CPA4: variants seen among roughly 807,000 people sequenced by gnomAD.
CPA4 encodes carboxypeptidase A3.
CPA4 carries 49 observed loss-of-function variants against 54.7 expected under a neutral mutation model. The ratio of observed to expected loss-of-function variants is 0.90; its 90% CI spans 0.71 to 1.14. CPA4 has a LOEUF of 1.14. CPA4 is among the 50% of genes most tolerant of loss of function. The probability of loss-of-function intolerance (pLI) is 0.00; values close to 1 mark genes in which losing one functional copy is unlikely to be tolerated. For synonymous variants in CPA4, 215 were observed against 206.8 expected, an observed-to-expected ratio of 1.04 and a Z score of -0.34; for missense variants, 487 against 525.1, an observed-to-expected ratio of 0.93 and a Z score of 0.71.
intron 1 of CPA4, 65 bp downstream of exon 1, chr7:130,293,313 A>G (rs1156307363): frequency 2.2e-6 from 2 of 919,652 alleles, no homozygotes; most frequent in African/African-American, 1.6e-5. Context: ...GGAACTGAAA[A>G]TGAATGGCTG....
intron 4 of CPA4, among the ~76,000 whole-genome samples, chr7:130,301,361 C>T (rs978596088): frequency 6.6e-6 from 1 of 152,190 alleles, no homozygotes; most frequent in African/African-American, 2.4e-5. Flanking sequence ...TTTGTTCCAT[C>T]ATGCATTTTG....
chr7:130,308,207 G>T (rs1051348480), intron 7 of CPA4, 100 bp from the exon 8 acceptor site: 2 of 991,140 alleles, frequency 2.0e-6, no homozygotes, highest in East Asian at 4.8e-5. Context: ...TGGCAGAACT[G>T]CAAGCAGCCT....
At position 130,305,928 on chromosome 7, in the gene CPA4, T is replaced by A. The variant is rs113946505; in HGVS notation, c.591+8T>A. On this transcript the variant is annotated splice_region_variant and intron_variant, in intron 6 of 10. Transcript: ENST00000222482. Reference sequence around the variant, plus strand: ...ATCTGGACGGCAAGGAAGGTCATGCTGCGTGGTATTAGCCAGGAATGCTGA... The same window carrying A: ...ATCTGGACGGCAAGGAAGGTCATGCAGCGTGGTATTAGCCAGGAATGCTGA... The A allele has an allele frequency of 0.023, 37,721 of 1,607,570 alleles. 541 individuals are homozygous for A. The highest frequency in any genetic ancestry group is 0.027 in the Non-Finnish European group (32,125 of 1,174,202).
At chr7:130,295,094 C>A (rs1464329742) in intron 1 of CPA4, among the ~76,000 whole-genome samples, 1 of 152,200 alleles carries the variant, frequency 6.6e-6, no homozygotes, top group Non-Finnish European at 1.5e-5. Context: ...GAACAGGAAC[C>A]AGTTGCAGAG....
At chr7:130,315,537 A>G (rs1793974976) in intron 10 of CPA4, among the ~76,000 whole-genome samples, 1 of 152,088 alleles carries the variant, frequency 6.6e-6, no homozygotes, top group Admixed American at 6.5e-5. Flanking sequence ...TGTTTGAGTA[A>G]TTTGATAAAT....
In CPA4 at chr7:130,323,928, TGTGTGTGTTTG is replaced by T; in HGVS notation, c.*1253_*1263del. On this transcript the variant is annotated 3_prime_UTR_variant, in exon 11 of 11. Coordinates refer to ENST00000222482, the MANE Select transcript of CPA4 (RefSeq NM_016352.4). ...GTGTGTGTGTGTGTGTGTGTGTGTG[TGTGTGTGTTTG>T]TGTGTGTGTGTCTGTCTATTTTGTA... The T allele has an allele frequency of 6.6e-6, 1 of 152,254 alleles. No individual in the cohort carries two copies. The highest frequency in any genetic ancestry group is 1.5e-5 in the Non-Finnish European group (1 of 68,414). 9.4% of individuals were successfully genotyped at this position (152,254 alleles called of 1,614,324 possible). A position where few individuals can be genotyped will look rare whatever the true frequency, so the allele number is the denominator to read the frequency against.
intron 6 of CPA4, chr7:130,306,275 C>T: frequency 3.4e-6 from 1 of 294,518 alleles, no homozygotes; most frequent in Non-Finnish European, 6.4e-6. Context: ...GGGAGGGCAG[C>T]AGGAGGCTGA....
intron 1 of CPA4, among the ~76,000 whole-genome samples, chr7:130,294,582 C>T (rs1333166533): frequency 1.3e-5 from 2 of 152,190 alleles, no homozygotes; most frequent in African/African-American, 2.4e-5. Flanking sequence ...ATCTCTATTT[C>T]GCAAGATACA....
intron 3 of CPA4, among the ~76,000 whole-genome samples, chr7:130,300,333 A>AT (rs767924823): frequency 0.015 from 1,900 of 124,400 alleles, 23 homozygotes; most frequent in African/African-American, 0.026. Context: ...CAAGAAGTAA[A>AT]TTTTTTTTTT....
chr7:130,322,927 AC>A lies in CPA4; in HGVS notation c.*254del. The A allele has an allele frequency of 2.5e-6, 1 of 392,240 alleles. No homozygotes were observed. Among genetic ancestry groups the A allele is most frequent in the Middle Eastern group, 7.0e-4 (1 of 1,432 alleles). 24.3% of individuals were successfully genotyped at this position (392,240 alleles called of 1,614,324 possible). On this transcript the variant is annotated 3_prime_UTR_variant, in exon 11 of 11. Transcript: ENST00000222482. ...GAGCCTTTTGTCTGTTTCTCCTTCC[AC>A]CCTGCTGGCTGGGCGGCTGCACTCA...
chr7:130,319,495 G>A (rs987201237), intron 10 of CPA4, among the ~76,000 whole-genome samples: 1 of 152,216 alleles, frequency 6.6e-6, no homozygotes, highest in Non-Finnish European at 1.5e-5. Context: ...AAAATCAACT[G>A]ACCAAAGGCA....
chr7:130,312,931 T>A (rs1793935787), intron 10 of CPA4, among the ~76,000 whole-genome samples: 2 of 152,148 alleles, frequency 1.3e-5, no homozygotes, highest in Non-Finnish European at 2.9e-5. Flanking sequence ...GGGAGGTTTA[T>A]CTTAGAGTTG....
At position 130,300,798 on chromosome 7, in the gene CPA4, A is replaced by T. The variant is rs758637652; in HGVS notation, c.286-18A>T. ...CGTCTGCAATGGATCACTTCACAAC[A>T]TTGCTGTGTGTTTTCAGGCCCTTTT... On this transcript the variant is annotated intron_variant, in intron 3 of 10. Coordinates refer to ENST00000222482, the MANE Select transcript of CPA4 (RefSeq NM_016352.4). The T allele has an allele frequency of 6.4e-7, 1 of 1,572,188 alleles. No individual in the cohort carries two copies. Among genetic ancestry groups the T allele is most frequent in the Non-Finnish European group, 8.8e-7 (1 of 1,141,658 alleles).
At chr7:130,300,210 A>G (rs1793717044) in intron 3 of CPA4, among the ~76,000 whole-genome samples, 1 of 152,176 alleles carries the variant, frequency 6.6e-6, no homozygotes, top group South Asian at 2.1e-4. Flanking sequence ...GAGGCACTGG[A>G]TACCAGATGC....
At chr7:130,307,215 T>G (rs1793835616) in intron 7 of CPA4, among the ~76,000 whole-genome samples, 1 of 151,680 alleles carries the variant, frequency 6.6e-6, no homozygotes, top group Non-Finnish European at 1.5e-5. Flanking sequence ...CTAAACTACT[T>G]TAGTACGCAT....
At chr7:130,319,806 T>C (rs116146839) in intron 10 of CPA4, among the ~76,000 whole-genome samples, 217 of 152,352 alleles carry the variant, frequency 1.4e-3, no homozygotes, top group African/African-American at 5.1e-3. Flanking sequence ...TGATTCCCAG[T>C]CTCATCTCTT....
At chr7:130,318,823 C>T (rs548530494) in intron 10 of CPA4, among the ~76,000 whole-genome samples, 3 of 152,142 alleles carry the variant, frequency 2.0e-5, no homozygotes, top group Non-Finnish European at 4.4e-5. Flanking sequence ...CTCTATCCAA[C>T]GCCATAGGTT....
intron 8 of CPA4, 63 bp downstream of exon 8, chr7:130,308,460 C>T (rs1169852806): frequency 2.2e-6 from 3 of 1,363,716 alleles, no homozygotes; most frequent in Non-Finnish European, 3.1e-6. Context: ...TCTACCAGTG[C>T]TCTGAGCTGG....
intron 10 of CPA4, among the ~76,000 whole-genome samples, chr7:130,321,383 C>A (rs1584757701): frequency 6.6e-6 from 1 of 152,018 alleles, no homozygotes; most frequent in African/African-American, 2.4e-5. Context: ...AAAAAAAAAT[C>A]CTAAAACTTA....
Sources: gnomAD v4.1 joint callset for allele counts (sites outside exome capture counted in the v4.1 genomes callset) on GRCh38, gnomAD v4.1.1 for gene constraint, MANE v1.5 for transcripts, NCBI Gene and HGNC (gene_info 2026-07-23, HGNC 2026-07-21) for gene names.